The following MAP3K2 variants were observed in gnomAD, a reference collection of about 807,000 sequenced individuals.
MAP3K2 encodes the protein MAP/ERK kinase kinase 2.
Under a neutral mutation model 80.3 loss-of-function variants are expected in MAP3K2, and 24 were observed. The ratio of observed to expected loss-of-function variants is 0.30; its 90% CI spans 0.22 to 0.42. The LOEUF is 0.42. Ranked by LOEUF, MAP3K2 falls within the 10% of genes least tolerant of loss-of-function variation. The probability of loss-of-function intolerance (pLI) is 1.00; values close to 1 mark genes in which losing one functional copy is unlikely to be tolerated. For synonymous variants in MAP3K2, 244 were observed against 253.7 expected, an observed-to-expected ratio of 0.96 and a Z score of 0.36; for missense variants, 608 against 750.1, an observed-to-expected ratio of 0.81 and a Z score of 2.21.
In MAP3K2 at chr2:127,310,299, G is replaced by A. The variant is rs966733273; in HGVS notation, c.1457-1537C>T. ...TTGTATATTTCCTGCACCAGTGCTA[G>A]AATCAGCCATTTCTCAAGGAGGCCT... On this transcript the variant is annotated intron_variant, in intron 15 of 16. Coordinates refer to ENST00000682094, the MANE Select transcript of MAP3K2 (RefSeq NM_001371910.2). This position sits in a 1 kb window ranked among gnomAD's most constrained non-coding sequence, Gnocchi z 4.8. Among the ~76,000 whole-genome samples the A allele has an allele frequency of 6.6e-6, 1 of 151,956 alleles. No homozygotes were observed. The highest frequency in any genetic ancestry group is 6.6e-5 in the Admixed American group (1 of 15,242).
chr2:127,348,741 G>A (rs1686640830), intron 1 of MAP3K2, among the ~76,000 whole-genome samples: 1 of 152,116 alleles, frequency 6.6e-6, no homozygotes, highest in East Asian at 1.9e-4. Context: ...TTCATGGTAT[G>A]CAAATTATAA....
chr2:127,380,231 C>G (rs72848621), intron 1 of MAP3K2, among the ~76,000 whole-genome samples: 5,163 of 152,150 alleles, frequency 0.034, 126 homozygotes, highest in Middle Eastern at 0.071. Flanking sequence ...TACTACTGAA[C>G]GACACATCAA....
intron 1 of MAP3K2, among the ~76,000 whole-genome samples, chr2:127,369,468 TAAAAAA>T (rs70985451): frequency 9.2e-5 from 3 of 32,726 alleles, no homozygotes; most frequent in Admixed American, 4.9e-4. Flanking sequence ...CCGTCTCTAC[TAAAAAA>T]AAAAAAAAAA....
intron 2 of MAP3K2, among the ~76,000 whole-genome samples, chr2:127,342,411 G>GTGTA (rs1462276374): frequency 1.3e-5 from 2 of 151,816 alleles, no homozygotes; most frequent in African/African-American, 4.8e-5. Flanking sequence ...GTGTGTGTGT[G>GTGTA]TGTGTGTGTG....
intron 12 of MAP3K2, among the ~76,000 whole-genome samples, chr2:127,318,764 T>C (rs1036568146): frequency 6.6e-6 from 1 of 152,162 alleles, no homozygotes; most frequent in African/African-American, 2.4e-5. Context: ...TAACTTTTGT[T>C]GAACACATAT....
At position 127,387,913 on chromosome 2, in the gene MAP3K2, C is replaced by T; in HGVS notation, c.-527G>A. On this transcript the variant is annotated 5_prime_UTR_variant, in exon 1 of 17. The change creates a new upstream start codon in the 5' untranslated region. Coordinates refer to ENST00000682094, the MANE Select transcript of MAP3K2 (RefSeq NM_001371910.2). The stretch of plus-strand genomic sequence containing the variant: ...AACGCTGCGCCCAGCGGCCGCGGCA[C>T]CCTCGTCAGGCGCCGCCGCTGAGGG... 1 of 982,178 alleles carries T rather than the reference C, an allele frequency of 1.0e-6. No homozygotes were observed. The highest frequency in any genetic ancestry group is 1.2e-6 in the Non-Finnish European group (1 of 827,216). The allele number at this position is 982,178 out of a possible 1,614,324, so 60.8% of individuals were successfully genotyped here.
At position 127,322,024 on chromosome 2, in the gene MAP3K2, T is replaced by C. The variant is rs753532746; in HGVS notation, c.1045+22A>G. On this transcript the variant is annotated intron_variant, in intron 12 of 16. Transcript: ENST00000682094. The surrounding 1 kb of genome is among the most constrained non-coding windows in gnomAD (Gnocchi z 4.2). ...GCAAAGATTCTGCTCTACATTTCAC[T>C]ATACCAAGTTCTATTACTTACAACG... The C allele has an allele frequency of 1.3e-6, 2 of 1,597,100 alleles. No homozygotes were observed. Among genetic ancestry groups the C allele is most frequent in the Admixed American group, 1.7e-5 (1 of 58,580 alleles).
At chr2:127,382,445 G>C (rs1053813787) in intron 1 of MAP3K2, among the ~76,000 whole-genome samples, 3 of 152,072 alleles carry the variant, frequency 2.0e-5, no homozygotes, top group Admixed American at 6.6e-5. Flanking sequence ...GAAATACATA[G>C]TTCCAGGATC....
At chr2:127,365,532 T>C (rs1471332039) in intron 1 of MAP3K2, among the ~76,000 whole-genome samples, 2 of 152,128 alleles carry the variant, frequency 1.3e-5, no homozygotes, top group East Asian at 1.9e-4. Context: ...GCCAGCCGAC[T>C]GCGCAGCTCT....
chr2:127,382,032 C>G (rs1687255238), intron 1 of MAP3K2, among the ~76,000 whole-genome samples: 1 of 152,068 alleles, frequency 6.6e-6, no homozygotes, highest in South Asian at 2.1e-4. Context: ...AGAGGTGAGA[C>G]TGCTGTAGAC....
At chr2:127,357,035 A>G (rs557538109) in intron 1 of MAP3K2, among the ~76,000 whole-genome samples, 1 of 152,330 alleles carries the variant, frequency 6.6e-6, no homozygotes, top group East Asian at 1.9e-4. Flanking sequence ...CACACACAAA[A>G]ATAAAATAAT....
chr2:127,341,038 G>A (rs910668136), intron 2 of MAP3K2, among the ~76,000 whole-genome samples: 1 of 152,074 alleles, frequency 6.6e-6, no homozygotes, highest in Non-Finnish European at 1.5e-5. Context: ...TGCCCAGGAT[G>A]GAGTGCAGTG....
At chr2:127,323,502 T>C (rs1686068444) in intron 11 of MAP3K2, among the ~76,000 whole-genome samples, 1 of 152,050 alleles carries the variant, frequency 6.6e-6, no homozygotes, top group Non-Finnish European at 1.5e-5. Flanking sequence ...CTGGGCAACA[T>C]GGTGGGACAC....
At chr2:127,382,989 T>C (rs1011980182) in intron 1 of MAP3K2, among the ~76,000 whole-genome samples, 1 of 152,244 alleles carries the variant, frequency 6.6e-6, no homozygotes, top group African/African-American at 2.4e-5. Flanking sequence ...GGAAGCATGG[T>C]GCTGGCACCT....
chr2:127,376,370 A>T (rs2104895943), intron 1 of MAP3K2, among the ~76,000 whole-genome samples: 2 of 152,294 alleles, frequency 1.3e-5, no homozygotes, highest in East Asian at 3.9e-4. Context: ...GTGTTGACTC[A>T]AGGCCTTTGT....
At chr2:127,341,733 T>C (rs1053266610) in intron 2 of MAP3K2, among the ~76,000 whole-genome samples, 18 of 151,090 alleles carry the variant, frequency 1.2e-4, no homozygotes, top group Non-Finnish European at 2.5e-4. Flanking sequence ...GGGGTTTCAC[T>C]GTGTTAGCCA....
intron 1 of MAP3K2, among the ~76,000 whole-genome samples, chr2:127,347,508 T>C (rs548948699): frequency 6.6e-5 from 10 of 151,240 alleles, no homozygotes; most frequent in Non-Finnish European, 1.3e-4. Flanking sequence ...AAAAATAAAG[T>C]ACTTAGGAAC....
chr2:127,331,998 C>T (rs1177827550), intron 5 of MAP3K2, among the ~76,000 whole-genome samples: 1 of 152,204 alleles, frequency 6.6e-6, no homozygotes, highest in Non-Finnish European at 1.5e-5. Context: ...CATTTACTTA[C>T]TCTGTTGTTA....
intron 3 of MAP3K2, 34 bp downstream of exon 3, chr2:127,338,898 T>C (rs1398674641): frequency 7.4e-7 from 1 of 1,358,806 alleles, no homozygotes; most frequent in Non-Finnish European, 1.0e-6. Context: ...TAAAGGAAAG[T>C]AATTCATAAA....
Sources: gnomAD v4.1 joint callset for allele counts (sites outside exome capture counted in the v4.1 genomes callset) on GRCh38, gnomAD v4.1.1 for gene constraint, Gnocchi (gnomAD v3.1) non-coding constraint, MANE v1.5 for transcripts, NCBI Gene and HGNC (gene_info 2026-07-23, HGNC 2026-07-21) for gene names.